The following ZIC4 variants were observed in gnomAD, a reference collection of about 807,000 sequenced individuals.
ZIC4 encodes zinc finger protein ZIC 4.
A neutral mutation model predicts 28.8 loss-of-function variants in ZIC4; 15 were observed. The observed-to-expected ratio is 0.52, with a 90% CI of 0.35 to 0.80. ZIC4 has a LOEUF of 0.80. Among genes scored for constraint, ZIC4 ranks in the 30% least tolerant of loss-of-function variants. The pLI is 0.01. For synonymous variants in ZIC4, 220 were observed against 198.1 expected (o/e 1.11, Z -0.93); for missense variants, 512 against 467.1 (o/e 1.10, Z -0.89).
intron 3 of ZIC4, chr3:147,392,350 G>C: frequency 1.0e-6 from 1 of 985,578 alleles, no homozygotes; most frequent in Non-Finnish European, 1.2e-6. Context: ...ATGCCCTGTA[G>C]AGCCGAGGGA....
Position 147,391,444 on chromosome 3 carries a change from C to T in ZIC4, c.689-198G>A, listed in dbSNP as rs1320237588. ...CCCCGGTGCCCTCTCTTGAACGCCTCCATCCCTCCCGCCTTCCTCCTCTGG... is the reference window on the plus strand; with the variant it reads ...CCCCGGTGCCCTCTCTTGAACGCCTTCATCCCTCCCGCCTTCCTCCTCTGG... On this transcript the variant is annotated intron_variant, in intron 3 of 4. Coordinates refer to ENST00000383075, the MANE Select transcript of ZIC4 (RefSeq NM_032153.6). 4 of 594,098 alleles carry T rather than the reference C, an allele frequency of 6.7e-6. No individual in the cohort carries two copies. The Admixed American group carries it at 1.0e-4, about 15-fold the overall frequency. The allele number at this position is 594,098 out of a possible 1,614,324, so 36.8% of individuals were successfully genotyped here.
intron 3 of ZIC4, chr3:147,393,025 A>C (rs1372793224): frequency 6.6e-6 from 1 of 152,106 alleles, no homozygotes; most frequent in East Asian, 1.9e-4. Context: ...TTTCAAAAAA[A>C]AAAAAAAAAT....
intron 3 of ZIC4, chr3:147,393,514 G>C (rs979016913): frequency 6.6e-5 from 13 of 198,344 alleles, no homozygotes; most frequent in Non-Finnish European, 1.3e-4. Context: ...TCCTAGGCCC[G>C]GGGCTGCGCT....
chr3:147,392,538 TTTA>T, intron 3 of ZIC4: 1 of 715,184 alleles, frequency 1.4e-6, no homozygotes, highest in Non-Finnish European at 1.7e-6. Flanking sequence ...TTCTGGGCGC[TTTA>T]AACAAATGGC....
chr3:147,393,808 G>T (rs2086978621), intron 3 of ZIC4: 1 of 449,468 alleles, frequency 2.2e-6, no homozygotes, highest in Non-Finnish European at 4.5e-6. Context: ...GCTGGGTGGC[G>T]GTGGCCAGGC....
intron 2 of ZIC4, among the ~76,000 whole-genome samples, chr3:147,401,385 T>C (rs908740615): frequency 1.6e-4 from 24 of 152,252 alleles, no homozygotes; most frequent in Non-Finnish European, 2.9e-4. Flanking sequence ...TAAATGATGA[T>C]TGTTTATTGT....
chr3:147,396,324 G>A lies in ZIC4; in HGVS notation c.216C>T (p.Tyr72=), dbSNP rs774862911. The A allele has an allele frequency of 6.3e-7, 1 of 1,592,926 alleles. No individual in the cohort carries two copies. Among genetic ancestry groups the A allele is most frequent in the Non-Finnish European group, 8.5e-7 (1 of 1,170,340 alleles). ...LLRLGLPGDM[Y]ARPEPFPPGP... The stretch of plus-strand genomic sequence containing the variant: ...CTGGCGGGAAGGGCTCCGGCCGCGC[G>A]TACATGTCTCCAGGGAGCCCCAGAC... The change falls in exon 3 of 5, where the codon TAC becomes TAT. Residue 72 remains tyrosine (Y), a synonymous_variant. Transcript: ENST00000383075. This position sits in a 1 kb window ranked among gnomAD's most constrained non-coding sequence, Gnocchi z 4.2.
chr3:147,402,971 G>T (rs2087199494), intron 1 of ZIC4, among the ~76,000 whole-genome samples, 159 bp from the exon 2 acceptor site: 1 of 152,092 alleles, frequency 6.6e-6, no homozygotes, highest in African/African-American at 2.4e-5. Context: ...TAAAGAAAAG[G>T]ATTTTGCCGG....
chr3:147,396,490 G>A lies in ZIC4; in HGVS notation c.71-21C>T. 6.7e-7 allele frequency: 1 copy of A among 1,502,878 alleles called. No individual in the cohort carries two copies. The highest frequency in any genetic ancestry group is 8.8e-7 in the Non-Finnish European group (1 of 1,131,224). The allele number at this position is 1,502,878 out of a possible 1,614,324, so 93.1% of individuals were successfully genotyped here. On this transcript the variant is annotated intron_variant, in intron 2 of 4. Transcript: ENST00000383075. The surrounding 1 kb of genome is among the most constrained non-coding windows in gnomAD (Gnocchi z 4.2). The stretch of plus-strand genomic sequence containing the variant: ...GCTACCTGTTGTCGAAACAAATAGC[G>A]CGCATGAGAACGGGTGGCGTGGGCT...
rs2086796892 is a variant in ZIC4 at position 147,386,309 on chromosome 3, T to A, written c.*2550A>T. ...GATGATAAATCACAAACAGTGTGGGTAGAGAGGGTACAAATAGTCTAAAGA... is the reference window on the plus strand; with the variant it reads ...GATGATAAATCACAAACAGTGTGGGAAGAGAGGGTACAAATAGTCTAAAGA... On this transcript the variant is annotated 3_prime_UTR_variant, in exon 5 of 5. Transcript: ENST00000383075. 6.6e-6 allele frequency: 1 copy of A among 152,404 alleles called. No individual in the cohort carries two copies. The highest frequency in any genetic ancestry group is 1.9e-4 in the East Asian group (1 of 5,200). The allele number at this position is 152,404 out of a possible 1,614,324, so 9.4% of individuals were successfully genotyped here.
intron 1 of ZIC4, chr3:147,405,524 G>A: frequency 1.3e-6 from 2 of 1,515,580 alleles, no homozygotes; most frequent in Non-Finnish European, 8.9e-7. Context: ...TTCTTTCACA[G>A]CTCAGCTCTA....
At chr3:147,405,740 G>T in intron 1 of ZIC4, 1 of 524,416 alleles carries the variant, frequency 1.9e-6, no homozygotes. Flanking sequence ...ACCAGGGTGA[G>T]GGAGGGCAAG....
chr3:147,402,374 T>G (rs1429973373), intron 2 of ZIC4, among the ~76,000 whole-genome samples: 1 of 152,200 alleles, frequency 6.6e-6, no homozygotes, highest in Non-Finnish European at 1.5e-5. Flanking sequence ...TCAAATTGTC[T>G]GGAAATGAAT....
chr3:147,388,767 C>T lies in ZIC4; in HGVS notation c.*92G>A. On this transcript the variant is annotated 3_prime_UTR_variant, in exon 5 of 5. Coordinates refer to ENST00000383075, the MANE Select transcript of ZIC4 (RefSeq NM_032153.6). Reference sequence around the variant, plus strand: ...GATGCACCGTGGCGAAGAAACACTGCTTTGTGCGCGGGCCCTTTGATGTAG... The same window carrying T: ...GATGCACCGTGGCGAAGAAACACTGTTTTGTGCGCGGGCCCTTTGATGTAG... The T allele has an allele frequency of 1.3e-6, 1 of 745,972 alleles. No individual in the cohort carries two copies. The highest frequency in any genetic ancestry group is 1.4e-5 in the South Asian group (1 of 69,036). The allele number at this position is 745,972 out of a possible 1,614,324, so 46.2% of individuals were successfully genotyped here.
chr3:147,402,639 A>T, intron 2 of ZIC4, 89 bp downstream of exon 2: 2 of 1,271,520 alleles, frequency 1.6e-6, no homozygotes, highest in Non-Finnish European at 2.2e-6. Context: ...AACAAAAGAC[A>T]AAACAAAACT....
chr3:147,398,312 C>G (rs2087093695), intron 2 of ZIC4, among the ~76,000 whole-genome samples: 1 of 152,212 alleles, frequency 6.6e-6, no homozygotes. Context: ...TTCTCTGCTT[C>G]CTCCTACCTC....
chr3:147,386,089 A>T lies in ZIC4; in HGVS notation c.*2770T>A, dbSNP rs2086792324. 1 of 152,200 alleles carries T rather than the reference A, an allele frequency of 6.6e-6. No homozygotes were observed. Among genetic ancestry groups the T allele is most frequent in the Non-Finnish European group, 1.5e-5 (1 of 68,030 alleles). The allele number at this position is 152,200 out of a possible 1,614,324, so 9.4% of individuals were successfully genotyped here. A position where few individuals can be genotyped will look rare whatever the true frequency, so the allele number is the denominator to read the frequency against. On this transcript the variant is annotated 3_prime_UTR_variant, in exon 5 of 5. Transcript: ENST00000383075. ...ACATCACATTATTTATTTCCAAAGAAAATAGCCAAATGCAGCGCCATGTAC... is the reference window on the plus strand; with the variant it reads ...ACATCACATTATTTATTTCCAAAGATAATAGCCAAATGCAGCGCCATGTAC...
chr3:147,404,998 G>C (rs1383165259), intron 1 of ZIC4, among the ~76,000 whole-genome samples: 1 of 152,252 alleles, frequency 6.6e-6, no homozygotes, highest in Non-Finnish European at 1.5e-5. Flanking sequence ...CTCTGAGCCA[G>C]AGAGGAAACT....
chr3:147,389,621 C>A (rs757806732), intron 4 of ZIC4, among the ~76,000 whole-genome samples: 13 of 152,060 alleles, frequency 8.5e-5, no homozygotes, highest in Non-Finnish European at 1.9e-4. Context: ...TTCCCTTTGG[C>A]CGCAATTGCA....
Sources: allele counts gnomAD v4.1 joint callset (sites outside exome capture counted in the v4.1 genomes callset), GRCh38; gene constraint gnomAD v4.1.1; non-coding constraint Gnocchi (gnomAD v3.1); transcripts MANE v1.5; gene names NCBI Gene and HGNC (gene_info 2026-07-23, HGNC 2026-07-21).